Variants in CDK8 observed in about 807,000 individuals in gnomAD.
CDK8 encodes the protein cyclin-dependent kinase 8.
A neutral mutation model predicts 71.5 loss-of-function variants in CDK8; 29 were observed. That is an observed-to-expected ratio of 0.41 (90% CI 0.30 to 0.55). CDK8 has a LOEUF of 0.55. Among genes scored for constraint, CDK8 ranks in the 20% least tolerant of loss-of-function variants. The pLI, the probability that CDK8 is intolerant of heterozygous loss-of-function variation, is 0.37. For missense variants in CDK8, 288 were observed against 572.6 expected (o/e 0.50, Z 5.07); for synonymous variants, 161 against 192.1 (o/e 0.84, Z 1.34).
At chr13:26,333,344 T>C (rs1872842570) in intron 1 of CDK8, among the ~76,000 whole-genome samples, 1 of 152,120 alleles carries the variant, frequency 6.6e-6, no homozygotes, top group Admixed American at 6.5e-5. Flanking sequence ...TTCACTATGC[T>C]GTCTAGGCTG....
intron 1 of CDK8, among the ~76,000 whole-genome samples, chr13:26,279,155 G>A (rs1271033224): frequency 6.6e-6 from 1 of 151,978 alleles, no homozygotes; most frequent in Non-Finnish European, 1.5e-5. Flanking sequence ...GTAGGGTGGG[G>A]GTGGTTCTTT....
At chr13:26,392,458 G>A (rs983063196) in intron 6 of CDK8, among the ~76,000 whole-genome samples, 2 of 151,210 alleles carry the variant, frequency 1.3e-5, no homozygotes, top group Admixed American at 6.6e-5. Context: ...CTCCTGAGTA[G>A]CTGGGACTAT....
intron 4 of CDK8, among the ~76,000 whole-genome samples, chr13:26,376,551 A>T (rs987428833): frequency 6.6e-6 from 1 of 152,224 alleles, no homozygotes; most frequent in Non-Finnish European, 1.5e-5. Context: ...GCAATTGAAA[A>T]GTGTGTTTTC....
intron 1 of CDK8, among the ~76,000 whole-genome samples, chr13:26,281,051 C>T (rs1420702119): frequency 6.6e-6 from 1 of 152,256 alleles, no homozygotes; most frequent in East Asian, 1.9e-4. Context: ...ATTACAGCAA[C>T]TCATGACAGA....
intron 1 of CDK8, among the ~76,000 whole-genome samples, chr13:26,287,278 A>G (rs1350739822): frequency 3.3e-5 from 5 of 152,210 alleles, no homozygotes; most frequent in Admixed American, 3.3e-4. Context: ...AAGAAAATGT[A>G]GTGTCTATAT....
intron 2 of CDK8, among the ~76,000 whole-genome samples, chr13:26,346,017 C>T (rs990269673): frequency 5.3e-5 from 8 of 152,182 alleles, no homozygotes; most frequent in Non-Finnish European, 1.2e-4. Flanking sequence ...AGACATAATC[C>T]ATTCCTCTAG....
chr13:26,339,754 A>ATATATATATATATAT (rs66521623), intron 2 of CDK8, among the ~76,000 whole-genome samples: 2 of 129,350 alleles, frequency 1.5e-5, no homozygotes, highest in African/African-American at 5.8e-5. Flanking sequence ...ACTTAAAAAA[A>ATATATATATATATAT]AAATATATAT....
intron 5 of CDK8, among the ~76,000 whole-genome samples, chr13:26,384,146 C>T (rs552894045): frequency 3.2e-4 from 48 of 152,130 alleles, no homozygotes; most frequent in African/African-American, 1.0e-3. Context: ...GTTTGGGGAA[C>T]GCTACGTCTT....
At chr13:26,278,132 TG>T (rs976519073) in intron 1 of CDK8, among the ~76,000 whole-genome samples, 34 of 152,286 alleles carry the variant, frequency 2.2e-4, no homozygotes, top group South Asian at 1.2e-3. Context: ...ATTCAAGTAG[TG>T]GATTGATGTT....
intron 1 of CDK8, among the ~76,000 whole-genome samples, chr13:26,256,704 G>T (rs1001446373): frequency 6.6e-6 from 1 of 152,164 alleles, no homozygotes; most frequent in African/African-American, 2.4e-5. Flanking sequence ...TTTAAAGATA[G>T]TTGAAGGTAT....
At chr13:26,356,259 A>G (rs987403334) in intron 4 of CDK8, among the ~76,000 whole-genome samples, 16 of 152,218 alleles carry the variant, frequency 1.1e-4, no homozygotes, top group African/African-American at 3.9e-4. Flanking sequence ...TATGCTGGCA[A>G]TTCTGAACAA....
At chr13:26,403,739 AG>A (rs1371252923) in intron 12 of CDK8, among the ~76,000 whole-genome samples, 1 of 152,238 alleles carries the variant, frequency 6.6e-6, no homozygotes, top group Non-Finnish European at 1.5e-5. Flanking sequence ...TAATAAGCCT[AG>A]GCTTAATATT....
At chr13:26,304,305 C>T (rs1873944402) in intron 1 of CDK8, among the ~76,000 whole-genome samples, 1 of 151,730 alleles carries the variant, frequency 6.6e-6, no homozygotes, top group Admixed American at 6.6e-5. Context: ...ATTTTCATCT[C>T]TTTTATGCAA....
intron 1 of CDK8, among the ~76,000 whole-genome samples, chr13:26,264,188 A>G (rs1386880668): frequency 2.6e-5 from 4 of 152,208 alleles, no homozygotes; most frequent in Non-Finnish European, 5.9e-5. Flanking sequence ...TGCTGACTTA[A>G]TGTTGATTTT....
rs142828290 is a variant in CDK8 at position 26,267,221 on chromosome 13, G to A, written c.128+12452G>A. ...TAATCTCCAAATTACAGCCATTGCAGTTAGCAAGGGATGTCAGTAAATATG... is the reference window on the plus strand; with the variant it reads ...TAATCTCCAAATTACAGCCATTGCAATTAGCAAGGGATGTCAGTAAATATG... On this transcript the variant is annotated intron_variant, in intron 1 of 12. Transcript: ENST00000381527. Among the ~76,000 whole-genome samples the A allele has an allele frequency of 5.8e-3, 885 of 152,288 alleles. 10 individuals carry two copies. Among genetic ancestry groups the A allele is most frequent in the African/African-American group, 0.02 (837 of 41,548 alleles).
intron 6 of CDK8, 27 bp from the exon 7 acceptor site, chr13:26,393,340 C>CTTTTT: frequency 7.2e-6 from 8 of 1,114,680 alleles, no homozygotes; most frequent in South Asian, 3.6e-5. Flanking sequence ...ATTTTTCTTT[C>CTTTTT]TTTTTTTTTT....
At position 26,401,405 on chromosome 13, in the gene CDK8, T is replaced by C. The variant is rs1876249985; in HGVS notation, c.1110+58T>C. On this transcript the variant is annotated intron_variant, in intron 11 of 12. Coordinates refer to ENST00000381527, the MANE Select transcript of CDK8 (RefSeq NM_001260.3). The surrounding 1 kb of genome is among the most constrained non-coding windows in gnomAD (Gnocchi z 4.5). ...TTTCGTGAATGCCTCCATAACATTT[T>C]CCATTGTGGGTATATTTTGTTCTCC... is the stretch of plus-strand genomic sequence containing the variant. The C allele has an allele frequency of 1.2e-6, 2 of 1,612,628 alleles. No homozygotes were observed. The highest frequency in any genetic ancestry group is 1.7e-5 in the Admixed American group (1 of 59,964).
chr13:26,332,381 A>G (rs1338608023), intron 1 of CDK8, among the ~76,000 whole-genome samples: 4 of 151,926 alleles, frequency 2.6e-5, no homozygotes, highest in African/African-American at 9.7e-5. Flanking sequence ...GCTACTCGGG[A>G]GGCTGAGACA....
intron 1 of CDK8, among the ~76,000 whole-genome samples, chr13:26,262,535 T>C (rs1186354398): frequency 4.6e-5 from 7 of 152,238 alleles, no homozygotes; most frequent in Non-Finnish European, 8.8e-5. Context: ...ATGGGTTTCC[T>C]ATGTTTTTAC....
Sources: gnomAD v4.1 joint callset for allele counts (sites outside exome capture counted in the v4.1 genomes callset) on GRCh38, gnomAD v4.1.1 for gene constraint, Gnocchi (gnomAD v3.1) non-coding constraint, MANE v1.5 for transcripts, NCBI Gene and HGNC (gene_info 2026-07-23, HGNC 2026-07-21) for gene names.